The following PTPRB variants were observed in gnomAD, a reference collection of about 807,000 sequenced individuals.
The protein encoded by PTPRB is receptor-type tyrosine-protein phosphatase beta.
In PTPRB, 97 loss-of-function variants were observed where a neutral mutation model predicts 238.1. The ratio of observed to expected loss-of-function variants is 0.41; its 90% CI spans 0.35 to 0.48. The LOEUF (loss-of-function observed/expected upper bound fraction) is 0.48. Among genes scored for constraint, PTPRB ranks in the 20% least tolerant of loss-of-function variants. PTPRB has a pLI of 0.30. For missense variants in PTPRB, 2,292 were observed against 2,681.9 expected, an observed-to-expected ratio of 0.85 and a Z score of 3.21; for synonymous variants, 970 against 995.4, an observed-to-expected ratio of 0.97 and a Z score of 0.48.
chr12:70,566,728 C>G (rs1482260747), intron 14 of PTPRB, 24 bp from the exon 15 acceptor site: 1 of 1,603,706 alleles, frequency 6.2e-7, no homozygotes, highest in South Asian at 1.1e-5. Context: ...AGTGGAGCAA[C>G]AAAATACAGA....
intron 2 of PTPRB, among the ~76,000 whole-genome samples, chr12:70,629,144 T>C (rs1014167653): frequency 1.3e-5 from 2 of 152,134 alleles, no homozygotes; most frequent in Non-Finnish European, 2.9e-5. Flanking sequence ...CAAAAGACTG[T>C]TTAAAAATAT....
At chr12:70,541,270 C>T (rs1875061037) in intron 22 of PTPRB, 1 of 204,148 alleles carries the variant, frequency 4.9e-6, no homozygotes, top group South Asian at 1.6e-4. Flanking sequence ...AGATAAAGGC[C>T]ATAAGTTTGC....
At chr12:70,540,831 A>G (rs1874959774) in intron 23 of PTPRB, 27 bp downstream of exon 23, 1 of 1,535,990 alleles carries the variant, frequency 6.5e-7, no homozygotes, top group Non-Finnish European at 8.9e-7. Context: ...TTGTGGGTCC[A>G]ATCACCAAAA....
Position 70,576,564 on chromosome 12 carries a change from C to G in PTPRB, c.2660G>C (p.Gly887Ala). 1 of 1,552,872 alleles carries G rather than the reference C, an allele frequency of 6.4e-7. No individual in the cohort carries two copies. The highest frequency in any genetic ancestry group is 8.7e-7 in the Non-Finnish European group (1 of 1,147,882). ...YLSVSWLLAPGDVDNYEVTLS... is the reference protein window; with the variant it reads ...YLSVSWLLAPADVDNYEVTLS... ...TGTTACCTCATAGTTATCCACATCTCCGGGCGCCAGCAGCCAGGAAACGCT... is the reference window on the plus strand; with the variant it reads ...TGTTACCTCATAGTTATCCACATCTGCGGGCGCCAGCAGCCAGGAAACGCT... Residue 887 changes from glycine (G) to alanine (A), a missense_variant, in exon 11 of 34, where the codon GGA becomes GCA. Around this residue, in one of 4 missense-constraint regions of PTPRB, gnomAD observed 1,205 missense variants for 1,287.8 expected, o/e 0.94. Transcript: ENST00000334414.
chr12:70,585,820 C>T (rs111988659), intron 9 of PTPRB, among the ~76,000 whole-genome samples: 187 of 151,840 alleles, frequency 1.2e-3, no homozygotes, highest in African/African-American at 4.2e-3. Context: ...CAACAGGCCC[C>T]GGTGTGTGAT....
chr12:70,553,135 A>G (rs1480557070), intron 20 of PTPRB, 115 bp from the exon 21 acceptor site: 1 of 1,247,890 alleles, frequency 8.0e-7, no homozygotes. Flanking sequence ...GGCCATTTCC[A>G]AAGTACAGAT....
At chr12:70,569,332 G>A (rs1293442056) in intron 14 of PTPRB, among the ~76,000 whole-genome samples, 1 of 152,122 alleles carries the variant, frequency 6.6e-6, no homozygotes, top group Non-Finnish European at 1.5e-5. Flanking sequence ...TCGAACTCCT[G>A]AACTCAAGCA....
Position 70,622,478 on chromosome 12 carries a change from C to T in PTPRB, c.620G>A (p.Arg207Lys), listed in dbSNP as rs1463868513. ...AGTCATGTGCAGATTGGGATGCTGC[C>T]TCTCGCTGCTGTTTTGGCTGTAGTT... ...AENYSQNSSERQHPNLHMTGI... is the reference protein window; with the variant it reads ...AENYSQNSSEKQHPNLHMTGI... Residue 207 changes from arginine to lysine, a missense_variant, in exon 3 of 34, where the codon AGG (arginine) becomes AAG (lysine). This residue lies in a region of PTPRB where 1,205 missense variants were observed against 1,287.8 expected (regional missense o/e 0.94). Coordinates refer to ENST00000334414, the MANE Select transcript of PTPRB (RefSeq NM_001109754.4). The T allele has an allele frequency of 6.2e-7, 1 of 1,613,362 alleles. No individual in the cohort carries two copies. Among genetic ancestry groups the T allele is most frequent in the Non-Finnish European group, 8.5e-7 (1 of 1,179,718 alleles).
Position 70,519,313 on chromosome 12 carries a change from T to TA in PTPRB, c.*2175dup, listed in dbSNP as rs2136186246. The TA allele has an allele frequency of 6.6e-6, 1 of 152,316 alleles. No homozygotes were observed. The highest frequency in any genetic ancestry group is 2.1e-4 in the South Asian group (1 of 4,822). The allele number at this position is 152,316 out of a possible 1,614,324, so 9.4% of individuals were successfully genotyped here. A position where few individuals can be genotyped will look rare whatever the true frequency, so the allele number is the denominator to read the frequency against. The stretch of plus-strand genomic sequence containing the variant: ...TCTCCTAGATCCAGAGGTTTGCTAT[T>TA]AAAGTAGCATTAGCACTTTCCAGTG... On this transcript the variant is annotated 3_prime_UTR_variant, in exon 34 of 34. Coordinates refer to ENST00000334414, the MANE Select transcript of PTPRB (RefSeq NM_001109754.4).
At position 70,596,262 on chromosome 12, in the gene PTPRB, A is replaced by G. The variant is rs1883004603; in HGVS notation, c.1045T>C (p.Trp349Arg). Reference sequence around the variant, plus strand: ...ACTTTTCCGGAAGAAGGAGTCCACCAAACATGCAAGCTGGTTGAAGTCGTC... The same window carrying G: ...ACTTTTCCGGAAGAAGGAGTCCACCGAACATGCAAGCTGGTTGAAGTCGTC... ...EKTTSTSLHV[W>R]WTPSSGKVTS... The change falls in exon 5 of 34, where the codon TGG becomes CGG. Residue 349 changes from tryptophan to arginine, a missense_variant. By Grantham distance (101) the Trp-to-Arg change is moderately radical. Coordinates refer to ENST00000334414, the MANE Select transcript of PTPRB (RefSeq NM_001109754.4). The G allele has an allele frequency of 6.2e-7, 1 of 1,613,126 alleles. No individual in the cohort carries two copies. The highest frequency in any genetic ancestry group is 1.3e-5 in the African/African-American group (1 of 74,796).
At chr12:70,633,916 T>A (rs951590769) in intron 2 of PTPRB, among the ~76,000 whole-genome samples, 3 of 152,128 alleles carry the variant, frequency 2.0e-5, no homozygotes, top group African/African-American at 7.2e-5. Context: ...ACTTCTTGTG[T>A]AAAACAGTAA....
At chr12:70,588,524 T>C (rs1313333986) in intron 8 of PTPRB, among the ~76,000 whole-genome samples, 1 of 151,990 alleles carries the variant, frequency 6.6e-6, no homozygotes, top group Non-Finnish European at 1.5e-5. Flanking sequence ...TCCTAGCTAC[T>C]TGGGAGGCTG....
intron 2 of PTPRB, among the ~76,000 whole-genome samples, chr12:70,633,674 T>G (rs1408556762): frequency 1.6e-4 from 24 of 152,314 alleles, no homozygotes; most frequent in Admixed American, 3.9e-4. Flanking sequence ...ATCAGGCATT[T>G]TTTGAATATA....
Position 70,609,188 on chromosome 12 carries a change from G to A in PTPRB, c.860C>T (p.Pro287Leu), listed in dbSNP as rs1477894790. The A allele has an allele frequency of 1.2e-6, 2 of 1,614,052 alleles. No homozygotes were observed. The change falls in exon 4 of 34, where the codon CCT becomes CTT. Residue 287 changes from proline to leucine, a missense_variant. Pro to Leu is a moderately conservative substitution (Grantham distance 98). Transcript: ENST00000334414. ...TGTGGTGTTGTCTATCCGAAAGGTAGGGCACAACGCGGCCCCCAGGGTGTC... is the reference window on the plus strand; with the variant it reads ...TGTGGTGTTGTCTATCCGAAAGGTAAGGCACAACGCGGCCCCCAGGGTGTC... ...SSDTLGAALC[P>L]TFRIDNTTYG...
chr12:70,535,224 GTTTTTTTTTTTTTT>G (rs71457059), intron 29 of PTPRB, among the ~76,000 whole-genome samples: 1 of 81,984 alleles, frequency 1.2e-5, no homozygotes, highest in African/African-American at 4.2e-5. Context: ...TATGGCTTGA[GTTTTTTTTTTTTTT>G]TTTTTTTTTT....
Position 70,520,744 on chromosome 12 carries a change from A to C in PTPRB, c.*745T>G, listed in dbSNP as rs1037243276. The C allele has an allele frequency of 5.2e-5, 8 of 152,738 alleles. No individual in the cohort carries two copies. Among genetic ancestry groups the C allele is most frequent in the African/African-American group, 1.7e-4 (7 of 41,446 alleles). The allele number at this position is 152,738 out of a possible 1,614,324, so 9.5% of individuals were successfully genotyped here. ...TGGGTATAGCTGGCATCTTATTAAC[A>C]AAAGGAATTCATCACTTCTGTTTGG... On this transcript the variant is annotated 3_prime_UTR_variant, in exon 34 of 34. Coordinates refer to ENST00000334414, the MANE Select transcript of PTPRB (RefSeq NM_001109754.4).
intron 2 of PTPRB, among the ~76,000 whole-genome samples, chr12:70,628,713 C>A (rs868340665): frequency 2.6e-5 from 4 of 152,034 alleles, no homozygotes; most frequent in Non-Finnish European, 4.4e-5. Context: ...CTATTTCTTG[C>A]TGGAATAGAT....
At chr12:70,567,038 C>T (rs1381866145) in intron 14 of PTPRB, among the ~76,000 whole-genome samples, 1 of 152,118 alleles carries the variant, frequency 6.6e-6, no homozygotes, top group African/African-American at 2.4e-5. Context: ...AGTTCATGTT[C>T]AGTGAATGTG....
At chr12:70,583,390 G>A (rs1191428600) in intron 9 of PTPRB, among the ~76,000 whole-genome samples, 1 of 152,118 alleles carries the variant, frequency 6.6e-6, no homozygotes. Flanking sequence ...AAAAAGTAAA[G>A]GATAGAGAGG....
Sources: gnomAD v4.1 joint callset for allele counts (sites outside exome capture counted in the v4.1 genomes callset) on GRCh38, gnomAD v4.1.1 for gene constraint, gnomAD v4.1.1 regional missense constraint, MANE v1.5 for transcripts, NCBI Gene and HGNC (gene_info 2026-07-23, HGNC 2026-07-21) for gene names.